EPC1: variants seen among roughly 807,000 people sequenced by gnomAD.
The protein encoded by EPC1 is enhancer of polycomb 1.
EPC1 carries 12 observed loss-of-function variants against 98.4 expected under a neutral mutation model. That is an observed-to-expected ratio of 0.12 (90% CI 0.08 to 0.20). The LOEUF (loss-of-function observed/expected upper bound fraction) is 0.20. Among genes scored for constraint, EPC1 ranks in the 10% least tolerant of loss-of-function variants. The pLI, the probability that EPC1 is intolerant of heterozygous loss-of-function variation, is 1.00. For synonymous variants in EPC1, 357 were observed against 363.9 expected, an observed-to-expected ratio of 0.98 and a Z score of 0.21; for missense variants, 729 against 990.5, an observed-to-expected ratio of 0.74 and a Z score of 3.54.
At chr10:32,281,556 A>G (rs1836410707) in intron 10 of EPC1, 1 of 152,208 alleles carries the variant, frequency 6.6e-6, no homozygotes, top group Non-Finnish European at 1.5e-5. Flanking sequence ...GCGGGCACTC[A>G]CGCCGTAAGA....
intron 1 of EPC1, among the ~76,000 whole-genome samples, chr10:32,343,721 TA>T (rs1299433833): frequency 9.4e-4 from 142 of 151,582 alleles, no homozygotes; most frequent in Non-Finnish European, 7.8e-4. Flanking sequence ...GGCTTCTACT[TA>T]AAGTTGTTTC....
intron 1 of EPC1, among the ~76,000 whole-genome samples, chr10:32,353,039 C>T (rs1839159417): frequency 1.3e-5 from 2 of 151,712 alleles, no homozygotes; most frequent in Admixed American, 6.6e-5. Flanking sequence ...CCTGTAATCC[C>T]AGCTACTCAG....
intron 1 of EPC1, among the ~76,000 whole-genome samples, chr10:32,322,707 T>C (rs1000847868): frequency 2.0e-5 from 3 of 152,192 alleles, no homozygotes; most frequent in Non-Finnish European, 4.4e-5. Context: ...TCTCAAATAC[T>C]ATAATGTGGC....
intron 13 of EPC1, 147 bp downstream of exon 13, chr10:32,271,407 A>G: frequency 2.1e-6 from 2 of 933,328 alleles, no homozygotes; most frequent in Non-Finnish European, 3.2e-6. Context: ...TAGTTCTTGA[A>G]TAAATAAGTG....
At chr10:32,313,245 C>T (rs1449600659) in intron 1 of EPC1, among the ~76,000 whole-genome samples, 1 of 152,006 alleles carries the variant, frequency 6.6e-6, no homozygotes, top group Non-Finnish European at 1.5e-5. Context: ...TGGTATAAAA[C>T]AAAAACCAGA....
chr10:32,276,524 A>G (rs1836106558), intron 10 of EPC1, among the ~76,000 whole-genome samples: 1 of 152,218 alleles, frequency 6.6e-6, no homozygotes, highest in African/African-American at 2.4e-5. Context: ...AAATAAATAC[A>G]TAAATAAATA....
intron 1 of EPC1, among the ~76,000 whole-genome samples, chr10:32,337,092 A>C (rs1838021014): frequency 6.6e-6 from 1 of 152,144 alleles, no homozygotes; most frequent in African/African-American, 2.4e-5. Flanking sequence ...ATATTCCTTT[A>C]AACATTTTTG....
chr10:32,291,036 C>T (rs1836997315), intron 6 of EPC1, 127 bp downstream of exon 6: 11 of 817,114 alleles, frequency 1.3e-5, no homozygotes, highest in South Asian at 7.1e-5. Context: ...CTCCGTGTCC[C>T]GAAGTGCTGG....
intron 1 of EPC1, among the ~76,000 whole-genome samples, chr10:32,373,822 A>G (rs1207297427): frequency 6.6e-6 from 1 of 152,216 alleles, no homozygotes; most frequent in Non-Finnish European, 1.5e-5. Context: ...AAAACTCACT[A>G]TTGAACCAAA....
rs144519320 is a variant in EPC1, at chr10:32,356,411, C to T, written c.3+22080G>A. 6.6e-5 allele frequency among the ~76,000 whole-genome samples: 10 copies of T among 152,042 alleles called. No individual in the cohort carries two copies. The East Asian group carries it at 1.9e-3, about 30-fold the overall frequency. On this transcript the variant is annotated intron_variant, in intron 1 of 13. Coordinates refer to the EPC1 transcript ENST00000375110. ...TGGAGTGGGATTCTTGGTGTGAAGA[C>T]TCACTCAGGGAGTGAGAGAGGAGCA...
intron 1 of EPC1, among the ~76,000 whole-genome samples, chr10:32,317,406 C>T (rs1836618741): frequency 6.6e-6 from 1 of 152,202 alleles, no homozygotes; most frequent in Non-Finnish European, 1.5e-5. Flanking sequence ...CTTTGGGATG[C>T]TGAGGCAGGT....
chr10:32,303,102 G>A (rs113859211), intron 2 of EPC1, among the ~76,000 whole-genome samples: 148 of 152,214 alleles, frequency 9.7e-4, no homozygotes, highest in African/African-American at 3.4e-3. Flanking sequence ...TCAGGAATTC[G>A]AGACCAGCCT....
chr10:32,362,205 C>T (rs1839461739), intron 1 of EPC1, among the ~76,000 whole-genome samples: 1 of 152,070 alleles, frequency 6.6e-6, no homozygotes, highest in South Asian at 2.1e-4. Context: ...GATCCAAGAG[C>T]CCTCTCTTGG....
At chr10:32,358,645 A>AAT (rs1393530911) in intron 1 of EPC1, among the ~76,000 whole-genome samples, 1 of 149,968 alleles carries the variant, frequency 6.7e-6, no homozygotes, top group African/African-American at 2.4e-5. Context: ...AAAAAAAAAA[A>AAT]AAGCGGGGGC....
In EPC1 at chr10:32,305,931, C is replaced by A. The variant is rs1213101831; in HGVS notation, c.154G>T (p.Glu52Ter). The A allele has an allele frequency of 6.3e-7, 1 of 1,590,648 alleles. No homozygotes were observed. The highest frequency in any genetic ancestry group is 1.4e-5 in the African/African-American group (1 of 73,592). ...GAAATAGCCCGCTGAAGATGATGTTCCTAAAAAGAAGAAAAAACAGGTAAG... is the reference window on the plus strand; with the variant it reads ...GAAATAGCCCGCTGAAGATGATGTTACTAAAAAGAAGAAAAAACAGGTAAG... ...PTGMEKEEESEHHLQRAISAQ... is the reference protein window; with the variant it reads ...PTGMEKEEES Residue 52 changes from glutamate (E) to a stop codon, truncating the protein, a stop_gained and splice_region_variant, in exon 2 of 14, where the codon GAA becomes TAA. Transcript: ENST00000319778. LOFTEE classifies it high-confidence loss of function.
At chr10:32,277,846 A>T (rs547755316) in intron 10 of EPC1, among the ~76,000 whole-genome samples, 7 of 152,258 alleles carry the variant, frequency 4.6e-5, no homozygotes, top group African/African-American at 1.7e-4. Context: ...CTGGGATTAC[A>T]GACATGAGCC....
rs17574618 is a variant in EPC1 at position 32,305,506 on chromosome 10, T to G, written c.313+266A>C. ...AAAACTATTTCTATATCTGAGTTTT[T>G]TTTTTTTTTTCTTATCCTTCTTGAC... On this transcript the variant is annotated intron_variant, in intron 2 of 13. Transcript: ENST00000319778. Among the ~76,000 whole-genome samples, 17 of 129,090 alleles carry G rather than the reference T, an allele frequency of 1.3e-4. No individual in the cohort carries two copies. The South Asian group carries it at 1.5e-3, about 11-fold the overall frequency. 84.7% of individuals were successfully genotyped at this position (129,090 alleles called of 152,430 possible). A position where few individuals can be genotyped will look rare whatever the true frequency, so the allele number is the denominator to read the frequency against.
chr10:32,324,540 CAA>C (rs1157634967), intron 1 of EPC1, among the ~76,000 whole-genome samples: 1 of 117,674 alleles, frequency 8.5e-6, no homozygotes, highest in Non-Finnish European at 1.8e-5. Context: ...TCAAAAAAGA[CAA>C]AAAAAAAAAA....
At position 32,334,716 on chromosome 10, in the gene EPC1, TG is replaced by T. The variant is rs1419790465; in HGVS notation, c.153+12046del. Among the ~76,000 whole-genome samples, 4 of 152,252 alleles carry T rather than the reference TG, an allele frequency of 2.6e-5. No homozygotes were observed. The East Asian group carries it at 7.7e-4, about 29-fold the overall frequency. On this transcript the variant is annotated intron_variant, in intron 1 of 13. Coordinates refer to ENST00000319778, the MANE Select transcript of EPC1 (RefSeq NM_001272004.3). ...TAAATTGTAATTTTATCTGCTGGAA[TG>T]TTCTCTGGGATAGTCAAAAGTCATC...
Sources: allele counts gnomAD v4.1 joint callset (sites outside exome capture counted in the v4.1 genomes callset), GRCh38; gene constraint gnomAD v4.1.1; transcripts MANE v1.5; gene names NCBI Gene and HGNC (gene_info 2026-07-23, HGNC 2026-07-21).